Variants in KCNMA1 observed in about 807,000 individuals in gnomAD.
KCNMA1 encodes the protein potassium calcium-activated channel subfamily M alpha 1.
KCNMA1 carries 29 observed loss-of-function variants against 140.0 expected under a neutral mutation model. That is an observed-to-expected ratio of 0.21 (90% CI 0.15 to 0.28). The LOEUF is 0.28. Ranked by LOEUF, KCNMA1 falls within the 10% of genes least tolerant of loss-of-function variation. The probability of loss-of-function intolerance (pLI) is 1.00; values close to 1 mark genes in which losing one functional copy is unlikely to be tolerated. For missense variants in KCNMA1, 880 were observed against 1,602.2 expected, an observed-to-expected ratio of 0.55 and a Z score of 7.70; for synonymous variants, 612 against 611.9, an observed-to-expected ratio of 1.00 and a Z score of 0.00.
In KCNMA1 at chr10:77,069,982, AT is replaced by A. The variant is rs2096130396; in HGVS notation, c.1749+3114del. Among the ~76,000 whole-genome samples, 6 of 152,160 alleles carry A rather than the reference AT, an allele frequency of 3.9e-5. No individual in the cohort carries two copies. The South Asian group carries it at 8.3e-4, about 21-fold the overall frequency. On this transcript the variant is annotated intron_variant, in intron 14 of 27. Transcript: ENST00000286628. Reference sequence around the variant, plus strand: ...AGGCATGCGCCACCAGGCCCAGCTAATTTTTGTATTTTTAGTAGAAAAGGGA... The same window carrying A: ...AGGCATGCGCCACCAGGCCCAGCTAATTTTGTATTTTTAGTAGAAAAGGGA...
chr10:77,082,577 T>C (rs899434864), intron 12 of KCNMA1, among the ~76,000 whole-genome samples: 1 of 152,212 alleles, frequency 6.6e-6, no homozygotes, highest in Non-Finnish European at 1.5e-5. Context: ...TTACATTTTT[T>C]TTTTTAAATC....
chr10:76,945,429 T>C lies in KCNMA1; in HGVS notation c.2710-464A>G, dbSNP rs146562520. Among the ~76,000 whole-genome samples, 499 of 152,250 alleles carry C rather than the reference T, an allele frequency of 3.3e-3. 4 individuals carry two copies. Among genetic ancestry groups the C allele is most frequent in the African/African-American group, 9.3e-3 (388 of 41,552 alleles). Reference sequence around the variant, plus strand: ...CTCAGGCAAAAGACAGCAGTTCCAATGCAGCCAAGGAGAAATGGCCAGTGA... The same window carrying C: ...CTCAGGCAAAAGACAGCAGTTCCAACGCAGCCAAGGAGAAATGGCCAGTGA... On this transcript the variant is annotated intron_variant, in intron 22 of 27. Transcript: ENST00000286628.
chr10:77,356,161 C>T (rs1455252048), intron 2 of KCNMA1, among the ~76,000 whole-genome samples: 1 of 152,162 alleles, frequency 6.6e-6, no homozygotes, highest in African/African-American at 2.4e-5. Flanking sequence ...ATGCATCAAA[C>T]CCAGCACAAG....
At chr10:76,964,639 T>C (rs1210490669) in intron 20 of KCNMA1, among the ~76,000 whole-genome samples, 1 of 152,166 alleles carries the variant, frequency 6.6e-6, no homozygotes, top group Non-Finnish European at 1.5e-5. Context: ...TGGAAGGAAT[T>C]GTGAGGGTGA....
rs531451678 is a variant in KCNMA1 at position 76,969,630 on chromosome 10, G to A, written c.2360+344C>T. On this transcript the variant is annotated intron_variant, in intron 20 of 27. Coordinates refer to ENST00000286628, the MANE Select transcript of KCNMA1 (RefSeq NM_001161352.2). ...ACTGCCGCAGGCAAACTAACCACAC[G>A]AGTTTCTCTGATTGGTTACCGCCAT... is the stretch of plus-strand genomic sequence containing the variant. Among the ~76,000 whole-genome samples, 24 of 152,282 alleles carry A rather than the reference G, an allele frequency of 1.6e-4. No homozygotes were observed. In the South Asian group the frequency reaches 3.7e-3, roughly 24 times the overall value.
chr10:77,486,820 C>T (rs2098466546), intron 1 of KCNMA1, among the ~76,000 whole-genome samples: 1 of 152,220 alleles, frequency 6.6e-6, no homozygotes, highest in African/African-American at 2.4e-5. Context: ...TTTCCAGCTC[C>T]TAGCCCCAAG....
At chr10:77,636,571 T>C (rs752660954) in intron 1 of KCNMA1, 47 of 1,536,018 alleles carry the variant, frequency 3.1e-5, no homozygotes, top group Middle Eastern at 1.7e-4. Context: ...CTAGAGCACC[T>C]AAGGGACGGA....
intron 13 of KCNMA1, among the ~76,000 whole-genome samples, chr10:77,076,473 G>A (rs573168815): frequency 6.6e-6 from 1 of 152,288 alleles, no homozygotes; most frequent in East Asian, 1.9e-4. Flanking sequence ...GAGAGCATCA[G>A]CCCTTCTATA....
At chr10:77,138,976 G>A (rs2098112201) in intron 5 of KCNMA1, among the ~76,000 whole-genome samples, 1 of 152,110 alleles carries the variant, frequency 6.6e-6, no homozygotes, top group East Asian at 1.9e-4. Context: ...GATCTCATTT[G>A]CTTGTTCAGG....
At chr10:77,541,275 T>C (rs1014895818) in intron 1 of KCNMA1, among the ~76,000 whole-genome samples, 7 of 152,080 alleles carry the variant, frequency 4.6e-5, no homozygotes, top group Non-Finnish European at 8.8e-5. Flanking sequence ...AATTATTTGA[T>C]GATTGTAAGA....
intron 5 of KCNMA1, among the ~76,000 whole-genome samples, chr10:77,159,540 C>T (rs1170611810): frequency 6.6e-6 from 1 of 152,090 alleles, no homozygotes; most frequent in African/African-American, 2.4e-5. Context: ...GAAATGTTTT[C>T]CCTGGTCTTC....
chr10:77,596,375 C>T (rs2080937797), intron 1 of KCNMA1, among the ~76,000 whole-genome samples: 1 of 152,202 alleles, frequency 6.6e-6, no homozygotes, highest in Non-Finnish European at 1.5e-5. Context: ...TAAAAAGACT[C>T]ATACACAAGA....
chr10:77,052,488 T>C (rs973790487), intron 14 of KCNMA1, among the ~76,000 whole-genome samples: 4 of 152,046 alleles, frequency 2.6e-5, no homozygotes, highest in Admixed American at 2.6e-4. Context: ...TCTCAGTTAG[T>C]ACTCCCCACA....
chr10:77,233,916 G>A (rs949501982), intron 3 of KCNMA1, among the ~76,000 whole-genome samples: 6 of 152,022 alleles, frequency 3.9e-5, no homozygotes, highest in Admixed American at 2.6e-4. Flanking sequence ...GGTTACAAGT[G>A]GCACCCCGAA....
chr10:77,417,619 T>A (rs1267256730), intron 1 of KCNMA1, among the ~76,000 whole-genome samples: 2 of 152,216 alleles, frequency 1.3e-5, no homozygotes, highest in African/African-American at 4.8e-5. Context: ...AAAAGAAAGA[T>A]GAATGTTCTT....
At chr10:77,626,616 GA>G (rs2092560660) in intron 1 of KCNMA1, among the ~76,000 whole-genome samples, 1 of 152,094 alleles carries the variant, frequency 6.6e-6, no homozygotes, top group African/African-American at 2.4e-5. Context: ...CACATAAAGA[GA>G]AAACAACGTC....
At chr10:77,367,047 G>A (rs1223030932) in intron 2 of KCNMA1, among the ~76,000 whole-genome samples, 1 of 152,192 alleles carries the variant, frequency 6.6e-6, no homozygotes, top group East Asian at 1.9e-4. Context: ...AAAAGTGAAA[G>A]AACATGAGAG....
chr10:77,398,428 T>A (rs1266696631), intron 2 of KCNMA1, among the ~76,000 whole-genome samples: 3 of 152,260 alleles, frequency 2.0e-5, no homozygotes, highest in African/African-American at 7.2e-5. Context: ...GTGGTTTTAA[T>A]TTGCATGTCT....
intron 9 of KCNMA1, among the ~76,000 whole-genome samples, chr10:77,104,842 G>A (rs2097169161): frequency 6.6e-6 from 1 of 152,224 alleles, no homozygotes. Context: ...GGAGGAGAGA[G>A]CTGGGGATCC....
Sources: allele counts gnomAD v4.1 joint callset (sites outside exome capture counted in the v4.1 genomes callset), GRCh38; gene constraint gnomAD v4.1.1; transcripts MANE v1.5; gene names NCBI Gene and HGNC (gene_info 2026-07-23, HGNC 2026-07-21).